Variants in CHRM2 observed in about 807,000 individuals in gnomAD.
CHRM2 encodes muscarinic acetylcholine receptor M2.
Under a neutral mutation model 25.0 loss-of-function variants are expected in CHRM2, and 8 were observed. That is an observed-to-expected ratio of 0.32 (90% confidence interval 0.19 to 0.58). CHRM2 has a LOEUF of 0.58. CHRM2 is among the 20% of genes least tolerant of loss of function. The pLI, the probability that CHRM2 is intolerant of heterozygous loss-of-function variation, is 0.88. For missense variants in CHRM2, 440 were observed against 567.1 expected (o/e 0.78, Z 2.28); for synonymous variants, 202 against 205.7 (o/e 0.98, Z 0.15).
intron 2 of CHRM2, among the ~76,000 whole-genome samples, chr7:136,974,859 G>T (rs1802011640): frequency 6.6e-6 from 1 of 152,206 alleles, no homozygotes; most frequent in South Asian, 2.1e-4. Context: ...AAGCCAGGGA[G>T]ACCTGTTGGG....
chr7:137,010,073 T>C (rs1011670667), intron 3 of CHRM2, among the ~76,000 whole-genome samples: 5 of 152,070 alleles, frequency 3.3e-5, no homozygotes, highest in Non-Finnish European at 7.4e-5. Context: ...TATCTCACTT[T>C]CATCCTTACT....
chr7:136,970,586 G>A (rs140183765), intron 2 of CHRM2, among the ~76,000 whole-genome samples: 48 of 152,172 alleles, frequency 3.2e-4, no homozygotes, highest in African/African-American at 1.0e-3. Context: ...TTTATACTGA[G>A]CACGTAGGTC....
intron 2 of CHRM2, among the ~76,000 whole-genome samples, chr7:136,916,132 T>A (rs926720275): frequency 1.7e-5 from 2 of 118,820 alleles, no homozygotes; most frequent in Non-Finnish European, 4.3e-5. Flanking sequence ...GGGAGAATAT[T>A]GTTCTAACTT....
At chr7:136,904,241 T>C (rs1483873508) in intron 2 of CHRM2, among the ~76,000 whole-genome samples, 1 of 151,904 alleles carries the variant, frequency 6.6e-6, no homozygotes, top group Non-Finnish European at 1.5e-5. Flanking sequence ...ATTCTCTAAA[T>C]GTTTGAATGG....
rs182145551 is a variant in CHRM2 at position 136,992,160 on chromosome 7, A to G, written c.-124-27A>G. The G allele has an allele frequency of 6.6e-4, 100 of 152,128 alleles. 2 individuals carry two copies. The East Asian group carries it at 0.015, about 23-fold the overall frequency. The allele number at this position is 152,128 out of a possible 1,614,324, so 9.4% of individuals were successfully genotyped here. A position where few individuals can be genotyped will look rare whatever the true frequency, so the allele number is the denominator to read the frequency against. On this transcript the variant is annotated intron_variant, in intron 2 of 3. Transcript: ENST00000680005. ...TGTAATTATTTTTACTGTTTCCCAC[A>G]CATGTTTTGTTTCTCTTTTCTACCA... is the stretch of plus-strand genomic sequence containing the variant.
At chr7:136,889,015 T>C (rs960042755) in intron 2 of CHRM2, among the ~76,000 whole-genome samples, 12 of 119,136 alleles carry the variant, frequency 1.0e-4, no homozygotes, top group African/African-American at 3.8e-4. Flanking sequence ...GCCACTGCAC[T>C]CCAGCCTGGG....
intron 2 of CHRM2, among the ~76,000 whole-genome samples, chr7:136,895,015 G>T (rs1192586715): frequency 6.6e-6 from 1 of 152,062 alleles, no homozygotes; most frequent in Non-Finnish European, 1.5e-5. Flanking sequence ...GTATTTTGGA[G>T]TACCTATGCA....
chr7:136,897,573 C>T (rs1796972294), intron 2 of CHRM2, among the ~76,000 whole-genome samples: 1 of 151,812 alleles, frequency 6.6e-6, no homozygotes, highest in Non-Finnish European at 1.5e-5. Flanking sequence ...TTATTAATTT[C>T]CCTGCTTCTT....
chr7:136,953,426 CTA>C (rs1800534176), intron 2 of CHRM2, among the ~76,000 whole-genome samples: 1 of 152,042 alleles, frequency 6.6e-6, no homozygotes, highest in Non-Finnish European at 1.5e-5. Flanking sequence ...TCTATGTTTT[CTA>C]TGATTTTCCA....
rs1795692553 is a variant in CHRM2 at position 136,868,680 on chromosome 7, A to G, written c.-595A>G. On this transcript the variant is annotated 5_prime_UTR_variant, in exon 1 of 4. Transcript: ENST00000680005. ...GCAGCTAATCGAACACACACGCACG[A>G]ATACAGACACGCTCTCCTGCTGTAC... 6.6e-6 allele frequency: 1 copy of G among 152,236 alleles called. No individual in the cohort carries two copies. Among genetic ancestry groups the G allele is most frequent in the Non-Finnish European group, 1.5e-5 (1 of 68,154 alleles). 9.4% of individuals were successfully genotyped at this position (152,236 alleles called of 1,614,324 possible).
intron 2 of CHRM2, among the ~76,000 whole-genome samples, chr7:136,952,599 G>A (rs1268738543): frequency 6.6e-6 from 1 of 151,756 alleles, no homozygotes; most frequent in South Asian, 2.1e-4. Flanking sequence ...AAGTTCAGGG[G>A]TACATGTGCA....
intron 2 of CHRM2, among the ~76,000 whole-genome samples, chr7:136,952,214 T>G (rs1015344100): frequency 6.6e-5 from 10 of 152,196 alleles, no homozygotes; most frequent in Non-Finnish European, 1.3e-4. Flanking sequence ...TAATTATGCG[T>G]TTCTAATATG....
intron 2 of CHRM2, among the ~76,000 whole-genome samples, chr7:136,976,438 G>A (rs1802108578): frequency 1.3e-5 from 2 of 152,028 alleles, no homozygotes; most frequent in South Asian, 4.1e-4. Context: ...ACTCTATGAT[G>A]TATGTAATAT....
intron 2 of CHRM2, among the ~76,000 whole-genome samples, chr7:136,905,954 T>G (rs1238500155): frequency 6.6e-6 from 1 of 151,250 alleles, no homozygotes; most frequent in African/African-American, 2.4e-5. Context: ...AAAATGTTAT[T>G]TTTTTTTCAA....
At chr7:136,870,826 G>C (rs979451539) in intron 2 of CHRM2, 1 of 152,276 alleles carries the variant, frequency 6.6e-6, no homozygotes. Context: ...CAGCCCAGGC[G>C]CCGCGAGCCA....
At chr7:136,998,512 T>G (rs553399746) in intron 3 of CHRM2, among the ~76,000 whole-genome samples, 1 of 152,284 alleles carries the variant, frequency 6.6e-6, no homozygotes, top group East Asian at 1.9e-4. Context: ...AGAATTCAAG[T>G]AAAATTAGAA....
intron 2 of CHRM2, among the ~76,000 whole-genome samples, chr7:136,917,976 CAATAA>C (rs1798215812): frequency 6.6e-6 from 1 of 151,978 alleles, no homozygotes; most frequent in South Asian, 2.1e-4. Context: ...CTTGAAAACT[CAATAA>C]AAGTAGACAC....
intron 2 of CHRM2, among the ~76,000 whole-genome samples, chr7:136,922,384 A>G (rs1043909889): frequency 2.6e-5 from 4 of 152,196 alleles, no homozygotes; most frequent in Non-Finnish European, 4.4e-5. Flanking sequence ...TCTTCTCTAC[A>G]TAAGTAACTA....
chr7:137,015,783 C>T lies in CHRM2; in HGVS notation c.918C>T (p.Asn306=), dbSNP rs747060290. ...MRDDEITQDE[N]TVSTSLGHSK... ...ATGATGAAATAACCCAGGATGAAAA[C>T]ACAGTTTCCACTTCCCTGGGCCATT... is the stretch of plus-strand genomic sequence containing the variant. Residue 306 remains asparagine (N), a synonymous_variant, in exon 4 of 4, where the codon AAC becomes AAT. Coordinates refer to ENST00000680005, the MANE Select transcript of CHRM2 (RefSeq NM_001006630.2). The surrounding 1 kb of genome is among the most constrained non-coding windows in gnomAD (Gnocchi z 5.1). 7.4e-6 allele frequency: 12 copies of T among 1,613,012 alleles called. No individual in the cohort carries two copies. The highest frequency in any genetic ancestry group is 1.0e-5 in the Non-Finnish European group (12 of 1,179,500).
Sources: gnomAD v4.1 joint callset for allele counts (sites outside exome capture counted in the v4.1 genomes callset) on GRCh38, gnomAD v4.1.1 for gene constraint, Gnocchi (gnomAD v3.1) non-coding constraint, MANE v1.5 for transcripts, NCBI Gene and HGNC (gene_info 2026-07-23, HGNC 2026-07-21) for gene names.